The following TTLL11 variants were observed in gnomAD, a reference collection of about 807,000 sequenced individuals.
TTLL11 encodes the protein tubulin polyglutamylase TTLL11.
In TTLL11, 42 loss-of-function variants were observed where a neutral mutation model predicts 51.7. That is an observed-to-expected ratio of 0.81 (90% CI 0.64 to 1.05). TTLL11 has a LOEUF of 1.05. Ranked by LOEUF, TTLL11 falls within the 50% of genes least tolerant of loss-of-function variation. The probability of loss-of-function intolerance (pLI) is 0.00; values close to 1 mark genes in which losing one functional copy is unlikely to be tolerated. For missense variants in TTLL11, 799 were observed against 940.4 expected (o/e 0.85, Z 1.97); for synonymous variants, 381 against 383.5 (o/e 0.99, Z 0.08).
intron 3 of TTLL11, among the ~76,000 whole-genome samples, chr9:121,991,927 G>A (rs1843126418): frequency 6.6e-6 from 1 of 152,310 alleles, no homozygotes; most frequent in South Asian, 2.1e-4. Flanking sequence ...TGGTCAGGAT[G>A]AGAACTGAGG....
At chr9:121,857,522 AT>A (rs1248789448) in intron 8 of TTLL11, among the ~76,000 whole-genome samples, 1 of 152,174 alleles carries the variant, frequency 6.6e-6, no homozygotes, top group Non-Finnish European at 1.5e-5. Flanking sequence ...TGGCGTGAGA[AT>A]TTGCAGCGAT....
At chr9:122,062,757 T>C (rs1305604185) in intron 1 of TTLL11, among the ~76,000 whole-genome samples, 1 of 151,694 alleles carries the variant, frequency 6.6e-6, no homozygotes, top group Non-Finnish European at 1.5e-5. Context: ...GCATGATATA[T>C]TATGCATTTC....
At chr9:121,883,117 G>A (rs919811929) in intron 6 of TTLL11, among the ~76,000 whole-genome samples, 1 of 152,114 alleles carries the variant, frequency 6.6e-6, no homozygotes, top group African/African-American at 2.4e-5. Context: ...TTCAGCTTAT[G>A]GGTCTATAAA....
chr9:121,877,753 T>C (rs1838623538), intron 6 of TTLL11, among the ~76,000 whole-genome samples: 1 of 152,224 alleles, frequency 6.6e-6, no homozygotes, highest in Non-Finnish European at 1.5e-5. Context: ...ATTATTAATA[T>C]GATCCCCATT....
At chr9:122,030,670 G>A (rs959806854) in intron 3 of TTLL11, among the ~76,000 whole-genome samples, 1 of 151,248 alleles carries the variant, frequency 6.6e-6, no homozygotes, top group African/African-American at 2.4e-5. Flanking sequence ...GCCTATAATC[G>A]CAGCACTTTG....
chr9:121,989,902 C>T lies in TTLL11; in HGVS notation c.694-132G>A. The T allele has an allele frequency of 6.8e-7, 1 of 1,481,290 alleles. No homozygotes were observed. Among genetic ancestry groups the T allele is most frequent in the Non-Finnish European group, 8.9e-7 (1 of 1,124,362 alleles). The allele number at this position is 1,481,290 out of a possible 1,614,324, so 91.8% of individuals were successfully genotyped here. ...CCTGCCGATCTGAGCAGGGGCTGAG[C>T]ATCTTCCATGGAGATGACACTGCAC... On this transcript the variant is annotated intron_variant, in intron 3 of 8. Transcript: ENST00000321582. This position sits in a 1 kb window ranked among gnomAD's most constrained non-coding sequence, Gnocchi z 4.2.
At chr9:121,966,772 G>A (rs930555008) in intron 6 of TTLL11, among the ~76,000 whole-genome samples, 1 of 152,146 alleles carries the variant, frequency 6.6e-6, no homozygotes, top group African/African-American at 2.4e-5. Flanking sequence ...TCTCTTACTA[G>A]CTTTGGGACT....
chr9:122,046,389 A>G (rs1845003458), intron 1 of TTLL11, among the ~76,000 whole-genome samples: 1 of 152,018 alleles, frequency 6.6e-6, no homozygotes, highest in Non-Finnish European at 1.5e-5. Flanking sequence ...TTCTTCCTGT[A>G]CAGCCTGTGA....
intron 8 of TTLL11, among the ~76,000 whole-genome samples, chr9:121,840,080 T>C (rs574574550): frequency 4.6e-4 from 70 of 151,520 alleles, no homozygotes; most frequent in African/African-American, 1.6e-3. Context: ...TGGAGGGCAC[T>C]GGAGCTGCAT....
intron 6 of TTLL11, among the ~76,000 whole-genome samples, chr9:121,875,481 A>G (rs1177056580): frequency 6.6e-6 from 1 of 152,192 alleles, no homozygotes; most frequent in African/African-American, 2.4e-5. Context: ...CTGAATCCCA[A>G]TTAATAACCT....
intron 6 of TTLL11, among the ~76,000 whole-genome samples, chr9:121,899,398 T>TATATAC (rs1407224657): frequency 1.3e-5 from 1 of 78,262 alleles, no homozygotes; most frequent in Non-Finnish European, 3.1e-5. Flanking sequence ...TATATATATA[T>TATATAC]ATATACACAC....
chr9:121,883,541 T>C (rs1373423484), intron 6 of TTLL11, among the ~76,000 whole-genome samples: 1 of 152,194 alleles, frequency 6.6e-6, no homozygotes. Context: ...TTAGATTTTT[T>C]AAAGAATCTG....
At chr9:121,843,102 G>A (rs1350349193) in intron 8 of TTLL11, among the ~76,000 whole-genome samples, 2 of 151,972 alleles carry the variant, frequency 1.3e-5, no homozygotes, top group Non-Finnish European at 2.9e-5. Flanking sequence ...TATGGGGGCC[G>A]AGGCTGGAGG....
intron 6 of TTLL11, among the ~76,000 whole-genome samples, chr9:121,888,969 G>A (rs1343525331): frequency 6.6e-6 from 1 of 152,200 alleles, no homozygotes; most frequent in African/African-American, 2.4e-5. Context: ...TCAGTGCTTT[G>A]CCCAAGGACA....
chr9:121,873,382 C>CTTTT (rs71370697), intron 6 of TTLL11, among the ~76,000 whole-genome samples: 1 of 110,566 alleles, frequency 9.0e-6, no homozygotes, highest in African/African-American at 3.5e-5. Context: ...TCTTCTTCTC[C>CTTTT]TTTTTTTTTT....
At chr9:121,976,301 A>G (rs1198712263) in intron 4 of TTLL11, among the ~76,000 whole-genome samples, 1 of 152,092 alleles carries the variant, frequency 6.6e-6, no homozygotes, top group East Asian at 1.9e-4. Context: ...AGCTCCTACA[A>G]CTGGGGCCAG....
chr9:121,826,658 C>A (rs541040221), intron 8 of TTLL11, among the ~76,000 whole-genome samples: 2 of 149,950 alleles, frequency 1.3e-5, no homozygotes, highest in East Asian at 2.0e-4. Context: ...GCTGCTTCTG[C>A]ACCTTATTCC....
chr9:122,084,585 G>A (rs1846076373), intron 1 of TTLL11, among the ~76,000 whole-genome samples: 1 of 152,300 alleles, frequency 6.6e-6, no homozygotes. Context: ...TTAGAGGATG[G>A]CAAGCTGATC....
chr9:122,032,215 G>T (rs1844574655), intron 2 of TTLL11, among the ~76,000 whole-genome samples: 1 of 152,052 alleles, frequency 6.6e-6, no homozygotes, highest in South Asian at 2.1e-4. Flanking sequence ...TTAATTTGGG[G>T]CCACCTTACG....
Sources: allele counts gnomAD v4.1 joint callset (sites outside exome capture counted in the v4.1 genomes callset), GRCh38; gene constraint gnomAD v4.1.1; non-coding constraint Gnocchi (gnomAD v3.1); transcripts MANE v1.5; gene names NCBI Gene and HGNC (gene_info 2026-07-23, HGNC 2026-07-21).